The following TPST2 variants were observed in gnomAD, a reference collection of about 807,000 sequenced individuals.
TPST2 encodes the protein tyrosylprotein sulfotransferase 2, also known as protein-tyrosine sulfotransferase 2.
In TPST2, 16 loss-of-function variants were observed where a neutral mutation model predicts 27.8. The observed-to-expected ratio is 0.58, with a 90% CI of 0.39 to 0.88. The LOEUF is 0.88. Among genes scored for constraint, TPST2 ranks in the 40% least tolerant of loss-of-function variants. TPST2 has a pLI of 0.00. For synonymous variants in TPST2, 229 were observed against 231.7 expected (o/e 0.99, Z 0.10); for missense variants, 464 against 543.1 (o/e 0.85, Z 1.45).
intron 5 of TPST2, among the ~76,000 whole-genome samples, chr22:26,531,187 C>T (rs1302915107): frequency 1.3e-5 from 2 of 152,104 alleles, no homozygotes; most frequent in African/African-American, 4.8e-5. Context: ...TAAGTTTTGT[C>T]AAGCCTCTAT....
At chr22:26,553,421 G>C (rs1926600846) in intron 1 of TPST2, among the ~76,000 whole-genome samples, 1 of 151,216 alleles carries the variant, frequency 6.6e-6, no homozygotes, top group Non-Finnish European at 1.5e-5. Flanking sequence ...TCAAAGGCTG[G>C]AGTGCAGTGG....
In TPST2 at chr22:26,577,647, CCA is replaced by C. The variant is rs1280565371; in HGVS notation, c.-161+12404_-161+12405del. Among the ~76,000 whole-genome samples the C allele has an allele frequency of 1.6e-4, 23 of 140,480 alleles. No homozygotes were observed. In the South Asian group the frequency reaches 2.5e-3, roughly 15 times the overall value. The allele number at this position is 140,480 out of a possible 152,430, so 92.2% of individuals were successfully genotyped here. A position where few individuals can be genotyped will look rare whatever the true frequency, so the allele number is the denominator to read the frequency against. On this transcript the variant is annotated intron_variant, in intron 1 of 6. Transcript: ENST00000338754. ...TACAGGTGTGAGCCACTGCACCCGG[CCA>C]TTTTTTTTTTTTTTTTTTTTTTTGA...
chr22:26,548,605 G>C (rs2147199653), intron 1 of TPST2, among the ~76,000 whole-genome samples: 1 of 24 alleles, frequency 0.042, no homozygotes, highest in South Asian at 0.25. Flanking sequence ...AAGCAAGCAA[G>C]CTCATCAGAC....
intron 1 of TPST2, among the ~76,000 whole-genome samples, chr22:26,545,988 G>C (rs1926101361): frequency 6.6e-6 from 1 of 150,734 alleles, no homozygotes; most frequent in South Asian, 2.1e-4. Context: ...TAGATGGGAG[G>C]ATTGCTGAAG....
At chr22:26,552,686 T>A (rs1267551361) in intron 1 of TPST2, among the ~76,000 whole-genome samples, 2 of 152,162 alleles carry the variant, frequency 1.3e-5, no homozygotes, top group African/African-American at 2.4e-5. Context: ...TGCGTTTCCA[T>A]AAGACTAGTT....
chr22:26,540,462 G>C (rs145027727), intron 3 of TPST2, among the ~76,000 whole-genome samples: 14 of 152,256 alleles, frequency 9.2e-5, no homozygotes, highest in Non-Finnish European at 1.9e-4. Context: ...AGCCCAGCTT[G>C]GTGGCGCATG....
intron 6 of TPST2, among the ~76,000 whole-genome samples, chr22:26,526,740 G>A (rs552175234): frequency 6.6e-6 from 1 of 152,302 alleles, no homozygotes; most frequent in Non-Finnish European, 1.5e-5. Flanking sequence ...GGAACAGGGA[G>A]GAAAGCTGTT....
At chr22:26,557,395 G>A (rs1926858133) in intron 1 of TPST2, among the ~76,000 whole-genome samples, 1 of 152,210 alleles carries the variant, frequency 6.6e-6, no homozygotes, top group Non-Finnish European at 1.5e-5. Context: ...ATTCTTACTA[G>A]CGATGCTGCT....
At chr22:26,547,821 G>A (rs1926207062) in intron 1 of TPST2, among the ~76,000 whole-genome samples, 1 of 152,154 alleles carries the variant, frequency 6.6e-6, no homozygotes, top group Non-Finnish European at 1.5e-5. Flanking sequence ...TCAAAACAAA[G>A]AAACAAAAAA....
intron 1 of TPST2, among the ~76,000 whole-genome samples, chr22:26,548,062 G>A (rs547763430): frequency 6.6e-6 from 1 of 152,254 alleles, no homozygotes; most frequent in African/African-American, 2.4e-5. Flanking sequence ...CTGAGACTTG[G>A]TTTTCTCGTC....
At chr22:26,562,542 T>C (rs1178059128) in intron 1 of TPST2, among the ~76,000 whole-genome samples, 3 of 152,156 alleles carry the variant, frequency 2.0e-5, no homozygotes, top group Admixed American at 6.6e-5. Context: ...TCCAATCCTA[T>C]GTTCTTCCCC....
chr22:26,583,463 G>T (rs188545957), intron 1 of TPST2, among the ~76,000 whole-genome samples: 44 of 136,592 alleles, frequency 3.2e-4, no homozygotes, highest in African/African-American at 8.8e-4. Flanking sequence ...AAAATGCCTT[G>T]AGGGCTTAAA....
chr22:26,528,565 A>G (rs578105867), intron 5 of TPST2, among the ~76,000 whole-genome samples: 1 of 152,372 alleles, frequency 6.6e-6, no homozygotes, highest in East Asian at 1.9e-4. Context: ...TGCTACTTCA[A>G]AAACGGTGGC....
chr22:26,581,030 ACACACACACACACACACACACACG>A (rs56199181), intron 1 of TPST2, among the ~76,000 whole-genome samples: 45,035 of 137,794 alleles, frequency 0.33, 7,137 homozygotes, highest in South Asian at 0.41. Context: ...ACACACACAC[ACACACACACACACACACACACACG>A]CACACACACA....
intron 1 of TPST2, among the ~76,000 whole-genome samples, chr22:26,586,929 G>A (rs1395892446): frequency 6.6e-6 from 1 of 152,210 alleles, no homozygotes; most frequent in African/African-American, 2.4e-5. Context: ...AGAGGAGGGG[G>A]AAGATGTCTG....
intron 1 of TPST2, among the ~76,000 whole-genome samples, chr22:26,587,523 T>C (rs1928388912): frequency 6.6e-6 from 1 of 152,142 alleles, no homozygotes; most frequent in African/African-American, 2.4e-5. Context: ...GTATTTTTAG[T>C]AGAGACGGGG....
chr22:26,551,250 C>T (rs150001236), intron 1 of TPST2, among the ~76,000 whole-genome samples: 7 of 152,342 alleles, frequency 4.6e-5, no homozygotes, highest in African/African-American at 1.7e-4. Flanking sequence ...CACACCACTG[C>T]ACTCCAATCT....
chr22:26,569,656 A>C (rs930747391), intron 1 of TPST2, among the ~76,000 whole-genome samples: 2 of 151,722 alleles, frequency 1.3e-5, no homozygotes, highest in Non-Finnish European at 2.9e-5. Context: ...CCTAAAAAAA[A>C]AGAAAATTAA....
intron 6 of TPST2, among the ~76,000 whole-genome samples, chr22:26,526,756 T>C (rs190253885): frequency 2.1e-3 from 314 of 152,286 alleles, no homozygotes; most frequent in African/African-American, 7.4e-3. Context: ...CTGTTTTTCA[T>C]GAGAGGGTTC....
Sources: allele counts gnomAD v4.1 joint callset (sites outside exome capture counted in the v4.1 genomes callset), GRCh38; gene constraint gnomAD v4.1.1; transcripts MANE v1.5; gene names NCBI Gene and HGNC (gene_info 2026-07-23, HGNC 2026-07-21).